Variants in TMEM132D observed in about 807,000 individuals in gnomAD.
TMEM132D encodes transmembrane protein 132D.
Under a neutral mutation model 62.3 loss-of-function variants are expected in TMEM132D, and 21 were observed. That is an observed-to-expected ratio of 0.34 (90% CI 0.24 to 0.49). TMEM132D has a LOEUF of 0.49. Ranked by LOEUF, TMEM132D falls within the 20% of genes least tolerant of loss-of-function variation. The pLI is 0.99. For missense variants in TMEM132D, 1,346 were observed against 1,402.8 expected (o/e 0.96, Z 0.65); for synonymous variants, 621 against 575.6 (o/e 1.08, Z -1.13).
intron 4 of TMEM132D, among the ~76,000 whole-genome samples, chr12:129,220,047 G>T (rs371529913): frequency 4.7e-4 from 71 of 152,196 alleles, no homozygotes; most frequent in African/African-American, 1.7e-3. Context: ...AAAACATCTT[G>T]CAAATAATAT....
intron 3 of TMEM132D, among the ~76,000 whole-genome samples, chr12:129,434,296 G>A (rs1872733289): frequency 6.6e-6 from 1 of 152,148 alleles, no homozygotes; most frequent in South Asian, 2.1e-4. Flanking sequence ...ATAACATCAG[G>A]TAACGGATGA....
chr12:129,515,591 C>T (rs1326585771), intron 3 of TMEM132D, among the ~76,000 whole-genome samples: 1 of 152,176 alleles, frequency 6.6e-6, no homozygotes, highest in African/African-American at 2.4e-5. Context: ...CTCCTCCTCC[C>T]ATTCTCCCCT....
At chr12:129,709,081 T>G (rs1881576408) in intron 1 of TMEM132D, among the ~76,000 whole-genome samples, 1 of 152,188 alleles carries the variant, frequency 6.6e-6, no homozygotes, top group African/African-American at 2.4e-5. Context: ...ATATATTTTT[T>G]CCTTAAAAAT....
chr12:129,777,557 T>A (rs1404792113), intron 1 of TMEM132D, among the ~76,000 whole-genome samples: 1 of 152,080 alleles, frequency 6.6e-6, no homozygotes, highest in African/African-American at 2.4e-5. Flanking sequence ...ACTGCAGAAA[T>A]AATAACAGAC....
intron 3 of TMEM132D, among the ~76,000 whole-genome samples, chr12:129,515,354 GAATA>G (rs1266800713): frequency 6.6e-6 from 1 of 152,120 alleles, no homozygotes; most frequent in Admixed American, 6.6e-5. Flanking sequence ...AAATGAATAT[GAATA>G]GATAAATGAA....
At chr12:129,242,909 C>T (rs1378352036) in intron 4 of TMEM132D, among the ~76,000 whole-genome samples, 2 of 152,190 alleles carry the variant, frequency 1.3e-5, no homozygotes, top group African/African-American at 2.4e-5. Flanking sequence ...GGCTTGAGGA[C>T]GGTTCAGTCC....
chr12:129,527,766 A>G (rs1050196130), intron 3 of TMEM132D, among the ~76,000 whole-genome samples: 1 of 152,238 alleles, frequency 6.6e-6, no homozygotes, highest in African/African-American at 2.4e-5. Flanking sequence ...ACACAGCATA[A>G]TTGGTTATCC....
intron 4 of TMEM132D, among the ~76,000 whole-genome samples, chr12:129,265,801 C>G (rs1020093862): frequency 6.6e-6 from 1 of 152,086 alleles, no homozygotes; most frequent in East Asian, 1.9e-4. Flanking sequence ...CAGGTCTTCT[C>G]AAACCAGCCT....
At chr12:129,354,470 C>T (rs1487598521) in intron 3 of TMEM132D, among the ~76,000 whole-genome samples, 6 of 151,900 alleles carry the variant, frequency 3.9e-5, no homozygotes, top group Non-Finnish European at 4.4e-5. Context: ...ACTACAGGTG[C>T]GAGCCACCAC....
intron 1 of TMEM132D, among the ~76,000 whole-genome samples, chr12:129,748,683 G>C (rs1232324921): frequency 6.6e-6 from 1 of 152,218 alleles, no homozygotes; most frequent in Non-Finnish European, 1.5e-5. Context: ...AGAAAAACTA[G>C]GGCTCCCAGA....
chr12:129,329,393 G>T (rs527804716), intron 4 of TMEM132D, among the ~76,000 whole-genome samples: 1 of 152,144 alleles, frequency 6.6e-6, no homozygotes. Context: ...CGAAAAGTCT[G>T]AGTAAAACAA....
chr12:129,838,726 A>G (rs1218362551), intron 1 of TMEM132D, among the ~76,000 whole-genome samples: 2 of 152,162 alleles, frequency 1.3e-5, no homozygotes, highest in Admixed American at 1.3e-4. Flanking sequence ...TCTCCAAAGA[A>G]AAAATGCCAG....
intron 2 of TMEM132D, among the ~76,000 whole-genome samples, chr12:129,610,851 C>T (rs1878757306): frequency 6.6e-6 from 1 of 152,106 alleles, no homozygotes; most frequent in East Asian, 1.9e-4. Flanking sequence ...ATTTACAGGG[C>T]AATTAGGTTA....
chr12:129,157,454 T>G (rs192838396), intron 5 of TMEM132D, among the ~76,000 whole-genome samples: 3 of 152,384 alleles, frequency 2.0e-5, no homozygotes, highest in Non-Finnish European at 4.4e-5. Flanking sequence ...CCACTCTTTA[T>G]GTTCACATCA....
At chr12:129,462,297 G>A (rs1044855657) in intron 3 of TMEM132D, among the ~76,000 whole-genome samples, 13 of 152,100 alleles carry the variant, frequency 8.5e-5, no homozygotes, top group African/African-American at 3.1e-4. Flanking sequence ...AGACGCTCAG[G>A]GAAACACAGA....
chr12:129,395,924 TAC>T (rs1305457287), intron 3 of TMEM132D, among the ~76,000 whole-genome samples: 1 of 146,708 alleles, frequency 6.8e-6, no homozygotes, highest in African/African-American at 2.5e-5. Context: ...CATTATATTA[TAC>T]ACATACTATA....
At chr12:129,481,416 T>C (rs1463752284) in intron 3 of TMEM132D, among the ~76,000 whole-genome samples, 2 of 145,150 alleles carry the variant, frequency 1.4e-5, no homozygotes, top group Admixed American at 7.2e-5. Context: ...TGGGTTATGA[T>C]ACCACCACTG....
At chr12:129,690,565 G>T (rs1240602079) in intron 2 of TMEM132D, among the ~76,000 whole-genome samples, 1 of 152,112 alleles carries the variant, frequency 6.6e-6, no homozygotes, top group Admixed American at 6.5e-5. Context: ...AGACAAAGCA[G>T]ATTTTACAAA....
At chr12:129,817,363 A>T (rs1565996239) in intron 1 of TMEM132D, among the ~76,000 whole-genome samples, 2 of 152,194 alleles carry the variant, frequency 1.3e-5, no homozygotes, top group Admixed American at 1.3e-4. Flanking sequence ...CCGTGAACAC[A>T]CAGAACCAGA....
Sources: gnomAD v4.1 joint callset for allele counts (sites outside exome capture counted in the v4.1 genomes callset) on GRCh38, gnomAD v4.1.1 for gene constraint, MANE v1.5 for transcripts, NCBI Gene and HGNC (gene_info 2026-07-23, HGNC 2026-07-21) for gene names.